The following VIPR1 variants were observed in gnomAD, a reference collection of about 807,000 sequenced individuals.
VIPR1 encodes vasoactive intestinal peptide receptor 1.
A neutral mutation model predicts 58.8 loss-of-function variants in VIPR1; 59 were observed. The observed-to-expected ratio is 1.00, with a 90% confidence interval of 0.81 to 1.25. The LOEUF (loss-of-function observed/expected upper bound fraction) is 1.25. VIPR1 is among the 50% of genes most tolerant of loss of function. The pLI, the probability that VIPR1 is intolerant of heterozygous loss-of-function variation, is 0.00. For missense variants in VIPR1, 626 were observed against 602.7 expected (o/e 1.04, Z -0.40); for synonymous variants, 251 against 242.1 (o/e 1.04, Z -0.34).
intron 1 of VIPR1, chr3:42,509,453 C>G (rs530600574): frequency 2.6e-5 from 4 of 152,354 alleles, no homozygotes; most frequent in Admixed American, 1.3e-4. Context: ...TTCACCCATA[C>G]CCCCATCACC....
At position 42,492,959 on chromosome 3, in the gene VIPR1, A is replaced by G. The variant is rs1230195758; in HGVS notation, c.-245+3281A>G. Among the ~76,000 whole-genome samples the G allele has an allele frequency of 4.6e-5, 7 of 152,226 alleles. No homozygotes were observed. The South Asian group carries it at 6.2e-4, about 14-fold the overall frequency. On this transcript the variant is annotated intron_variant, in intron 1 of 13. Coordinates refer to the VIPR1 transcript ENST00000433647. ...TGGGTCTTGGCAGAACCAGCAACCA[A>G]TGGAGGGCGAGAAGGAAGGAGATCT...
intron 1 of VIPR1, among the ~76,000 whole-genome samples, chr3:42,503,683 T>C (rs772934879): frequency 2.5e-4 from 38 of 152,176 alleles, no homozygotes; most frequent in Non-Finnish European, 4.7e-4. Flanking sequence ...TCAGCACTCA[T>C]TGAGTCTACT....
intron 1 of VIPR1, chr3:42,513,489 A>AT: frequency 2.4e-6 from 1 of 423,456 alleles, no homozygotes; most frequent in Non-Finnish European, 4.3e-6. Flanking sequence ...CCACCCGCAA[A>AT]GAGACAAAGC....
intron 1 of VIPR1, among the ~76,000 whole-genome samples, chr3:42,492,967 C>T (rs974600678): frequency 1.3e-5 from 2 of 152,186 alleles, no homozygotes; most frequent in South Asian, 2.1e-4. Context: ...CAATGGAGGG[C>T]GAGAAGGAAG....
chr3:42,497,889 A>T (rs1699796523), upstream of VIPR1, among the ~76,000 whole-genome samples: 1 of 152,162 alleles, frequency 6.6e-6, no homozygotes, highest in Non-Finnish European at 1.5e-5. Flanking sequence ...AGTCTCAGGT[A>T]TCTCTTTATC....
At chr3:42,513,058 A>G (rs1299065124) in intron 1 of VIPR1, 73 of 813,190 alleles carry the variant, frequency 9.0e-5, no homozygotes, top group Non-Finnish European at 1.1e-4. Context: ...TTCACCTTCC[A>G]GAAGCAGGGG....
rs745543547 is a variant in VIPR1 at position 42,527,382 on chromosome 3, C to A, written c.400-11C>A. 1 of 1,611,756 alleles carries A rather than the reference C, an allele frequency of 6.2e-7. No homozygotes were observed. The highest frequency in any genetic ancestry group is 8.5e-7 in the Non-Finnish European group (1 of 1,178,584). ...CCACCACCCAAGAGCCTCTCCCTGT[C>A]CCTCCAACAGCAGCAGACCATGTTC... is the stretch of plus-strand genomic sequence containing the variant. On this transcript the variant is annotated splice_polypyrimidine_tract_variant and intron_variant, in intron 4 of 12. Coordinates refer to ENST00000325123, the MANE Select transcript of VIPR1 (RefSeq NM_004624.4).
chr3:42,507,190 C>T (rs1022803491), intron 1 of VIPR1: 1 of 152,182 alleles, frequency 6.6e-6, no homozygotes, highest in Non-Finnish European at 1.5e-5. Flanking sequence ...TCAAATATCC[C>T]CAGCCGGAAT....
upstream of VIPR1, among the ~76,000 whole-genome samples, chr3:42,498,119 GT>G (rs1699802044): frequency 6.6e-6 from 1 of 152,184 alleles, no homozygotes; most frequent in African/African-American, 2.4e-5. Context: ...CCATGCCTCA[GT>G]TTCCCCTCTG....
chr3:42,531,004 GT>G, intron 7 of VIPR1, 72 bp downstream of exon 7: 2 of 1,575,536 alleles, frequency 1.3e-6, no homozygotes, highest in Non-Finnish European at 1.7e-6. Context: ...TAGGGGGAGG[GT>G]GCCAACCCAG....
chr3:42,531,913 A>G, intron 9 of VIPR1, 44 bp downstream of exon 9: 2 of 1,611,096 alleles, frequency 1.2e-6, no homozygotes, highest in Non-Finnish European at 1.7e-6. Flanking sequence ...AACAGGCCCA[A>G]AGGGCAGGCA....
rs771712069 is a variant in VIPR1, at chr3:42,536,987, G to A, written c.*706G>A. The A allele has an allele frequency of 2.0e-5, 3 of 152,198 alleles. No homozygotes were observed. The highest frequency in any genetic ancestry group is 4.8e-5 in the African/African-American group (2 of 41,440). 9.4% of individuals were successfully genotyped at this position (152,198 alleles called of 1,614,324 possible). A position where few individuals can be genotyped will look rare whatever the true frequency, so the allele number is the denominator to read the frequency against. On this transcript the variant is annotated 3_prime_UTR_variant, in exon 13 of 13. Transcript: ENST00000325123. ...GGACTCTGAAGCCTCTGGGAAATGA[G>A]AAGGCAGCCACCAGCGAATGCTAGG... is the stretch of plus-strand genomic sequence containing the variant.
chr3:42,535,887 T>TC, intron 12 of VIPR1, among the ~76,000 whole-genome samples: 1 of 152,220 alleles, frequency 6.6e-6, no homozygotes, highest in South Asian at 2.1e-4. Context: ...GCCTCTTACC[T>TC]CCTGCCATTC....
upstream of VIPR1, among the ~76,000 whole-genome samples, chr3:42,498,976 A>G (rs1699817475): frequency 6.6e-6 from 1 of 152,202 alleles, no homozygotes; most frequent in Non-Finnish European, 1.5e-5. Context: ...ACTGGCCCCA[A>G]AAGAAGGTGC....
At position 42,531,650 on chromosome 3, in the gene VIPR1, G is replaced by A. The variant is rs1236033857; in HGVS notation, c.851+119G>A. On this transcript the variant is annotated intron_variant, in intron 8 of 12. Coordinates refer to ENST00000325123, the MANE Select transcript of VIPR1 (RefSeq NM_004624.4). ...AAAAACCACAGCTCTCGGGCCAGAG[G>A]GGAGGCTGGAGGAGGACCTGGGGAG... 3 of 1,561,824 alleles carry A rather than the reference G, an allele frequency of 1.9e-6. No homozygotes were observed. The Admixed American group carries it at 5.1e-5, about 27-fold the overall frequency.
chr3:42,504,539 G>A (rs1233747685), intron 1 of VIPR1, among the ~76,000 whole-genome samples: 1 of 151,954 alleles, frequency 6.6e-6, no homozygotes, highest in East Asian at 1.9e-4. Flanking sequence ...ATCCTATAAG[G>A]TCAGGGGCTG....
Position 42,535,050 on chromosome 3 carries a change from C to T in VIPR1, c.1086C>T (p.Asp362=), listed in dbSNP as rs1407827784. 3.1e-6 allele frequency: 5 copies of T among 1,614,076 alleles called. No homozygotes were observed. The highest frequency in any genetic ancestry group is 2.7e-5 in the African/African-American group (2 of 74,920). Residue 362 remains aspartate, a synonymous_variant, in exon 11 of 13, where the codon GAC becomes GAT. Transcript: ENST00000325123. ...ACATCATGTTCGCCTTCTTTCCGGA[C>T]AATTTTAAGCCTGAAGTGAAGATGG... ...VHYIMFAFFP[D]NFKPEVKMVF...
rs149839755 is a variant in VIPR1 at position 42,530,595 on chromosome 3, C to T, written c.637-184C>T. ...AAATCACCAGTTTATCCCGAAGTATCAGAGGATCTAAAATTAGGGAAAATG... is the reference window on the plus strand; with the variant it reads ...AAATCACCAGTTTATCCCGAAGTATTAGAGGATCTAAAATTAGGGAAAATG... On this transcript the variant is annotated intron_variant, in intron 6 of 12. Transcript: ENST00000325123. 6.0e-4 allele frequency: 381 copies of T among 633,386 alleles called. 3 individuals are homozygous for T. In the African/African-American group the frequency reaches 6.7e-3, roughly 11 times the overall value. The allele number at this position is 633,386 out of a possible 1,614,324, so 39.2% of individuals were successfully genotyped here.
chr3:42,531,721 C>A, intron 8 of VIPR1, 82 bp from the exon 9 acceptor site: 1 of 1,589,920 alleles, frequency 6.3e-7, no homozygotes, highest in Non-Finnish European at 8.6e-7. Context: ...AGGAGCAGAG[C>A]TGGGGACAAC....
Sources: allele counts gnomAD v4.1 joint callset (sites outside exome capture counted in the v4.1 genomes callset), GRCh38; gene constraint gnomAD v4.1.1; transcripts MANE v1.5; gene names NCBI Gene and HGNC (gene_info 2026-07-23, HGNC 2026-07-21).